Variants in SLC16A12 observed in about 807,000 individuals in gnomAD.
The protein encoded by SLC16A12 is solute carrier family 16 member 12.
Under a neutral mutation model 42.4 loss-of-function variants are expected in SLC16A12, and 17 were observed. The observed-to-expected ratio is 0.40, with a 90% CI of 0.27 to 0.60. The LOEUF (loss-of-function observed/expected upper bound fraction) is 0.60. SLC16A12 is among the 20% of genes least tolerant of loss of function. SLC16A12 has a pLI of 0.42. For missense variants in SLC16A12, 544 were observed against 623.0 expected (o/e 0.87, Z 1.35); for synonymous variants, 224 against 229.4 (o/e 0.98, Z 0.21).
At chr10:89,450,932 T>C (rs1255235121) in intron 3 of SLC16A12, among the ~76,000 whole-genome samples, 1 of 152,176 alleles carries the variant, frequency 6.6e-6, no homozygotes, top group Non-Finnish European at 1.5e-5. Context: ...TATGTGTGTA[T>C]GTGCAGAGAA....
rs1202953229 is a variant in SLC16A12, at chr10:89,430,956, A to G, written c.*2108T>C. ...TATTTAGGGCAAAGTGCTATTCCAA[A>G]CAGATATAACTTCATCTTAACTTTG... is the stretch of plus-strand genomic sequence containing the variant. On this transcript the variant is annotated 3_prime_UTR_variant, in exon 8 of 8. Transcript: ENST00000371790. The G allele has an allele frequency of 3.1e-6, 1 of 318,726 alleles. No individual in the cohort carries two copies. The highest frequency in any genetic ancestry group is 6.0e-6 in the Non-Finnish European group (1 of 166,306). 19.7% of individuals were successfully genotyped at this position (318,726 alleles called of 1,614,324 possible). A position where few individuals can be genotyped will look rare whatever the true frequency, so the allele number is the denominator to read the frequency against.
intron 3 of SLC16A12, among the ~76,000 whole-genome samples, chr10:89,446,083 G>T (rs1841995757): frequency 6.6e-6 from 1 of 152,114 alleles, no homozygotes; most frequent in African/African-American, 2.4e-5. Flanking sequence ...AATGAACAAA[G>T]CCTCCAAGAA....
At chr10:89,470,105 A>G (rs1356387630) in intron 2 of SLC16A12, among the ~76,000 whole-genome samples, 1 of 152,198 alleles carries the variant, frequency 6.6e-6, no homozygotes, top group Admixed American at 6.5e-5. Flanking sequence ...TAAGTCAAGA[A>G]GCCTATTGCT....
intron 2 of SLC16A12, among the ~76,000 whole-genome samples, chr10:89,465,364 G>A (rs1044898358): frequency 1.3e-5 from 2 of 152,196 alleles, no homozygotes; most frequent in Non-Finnish European, 2.9e-5. Flanking sequence ...CCAGTAGGAT[G>A]ATGTGAATTG....
intron 3 of SLC16A12, among the ~76,000 whole-genome samples, chr10:89,454,853 T>C (rs1745859430): frequency 6.6e-6 from 1 of 152,138 alleles, no homozygotes; most frequent in African/African-American, 2.4e-5. Flanking sequence ...TGTTACCCTG[T>C]GACAGAAAAG....
intron 6 of SLC16A12, among the ~76,000 whole-genome samples, chr10:89,436,868 AAAAGAAAGAAAGAAAGAAAGAAAG>A (rs370756736): frequency 1.7e-5 from 2 of 120,428 alleles, no homozygotes; most frequent in Admixed American, 8.3e-5. Flanking sequence ...GAAATAAAGA[AAAAGAAAGAAAGAAAGAAAGAAAG>A]AAAGAAAGAA....
At chr10:89,464,218 G>T (rs1367358431) in intron 2 of SLC16A12, among the ~76,000 whole-genome samples, 2 of 152,152 alleles carry the variant, frequency 1.3e-5, no homozygotes, top group Non-Finnish European at 1.5e-5. Context: ...AACATCCCAA[G>T]TGAGCCTGGA....
chr10:89,461,190 T>C (rs1199628528), intron 3 of SLC16A12, among the ~76,000 whole-genome samples: 2 of 152,206 alleles, frequency 1.3e-5, no homozygotes, highest in Admixed American at 6.5e-5. Flanking sequence ...TTAATGTACG[T>C]GCATCTAACT....
intron 3 of SLC16A12, among the ~76,000 whole-genome samples, chr10:89,447,312 C>T (rs1842020799): frequency 6.6e-6 from 1 of 152,212 alleles, no homozygotes; most frequent in Non-Finnish European, 1.5e-5. Flanking sequence ...ACATTCTTCT[C>T]AGTACCACAT....
At chr10:89,519,616 G>T (rs1843316353) in intron 2 of SLC16A12, among the ~76,000 whole-genome samples, 1 of 152,042 alleles carries the variant, frequency 6.6e-6, no homozygotes, top group Non-Finnish European at 1.5e-5. Context: ...AGATGCACAA[G>T]TTTAGCTTCC....
intron 2 of SLC16A12, among the ~76,000 whole-genome samples, chr10:89,494,352 CTG>C (rs1842892638): frequency 6.6e-6 from 1 of 152,216 alleles, no homozygotes; most frequent in South Asian, 2.1e-4. Flanking sequence ...ATTTAGGAAT[CTG>C]TCTTATAGTT....
intron 2 of SLC16A12, among the ~76,000 whole-genome samples, chr10:89,546,859 AG>A (rs1843745061): frequency 6.6e-6 from 1 of 152,268 alleles, no homozygotes; most frequent in Admixed American, 6.5e-5. Flanking sequence ...AGCCATAAAA[AG>A]GAATGAGATA....
intron 2 of SLC16A12, among the ~76,000 whole-genome samples, chr10:89,480,384 C>T (rs767718025): frequency 3.3e-5 from 5 of 152,128 alleles, no homozygotes; most frequent in African/African-American, 7.2e-5. Context: ...TTAAAGGGGG[C>T]TTTAATGAGG....
intron 2 of SLC16A12, among the ~76,000 whole-genome samples, chr10:89,527,845 A>G (rs539562275): frequency 6.6e-6 from 1 of 151,610 alleles, no homozygotes; most frequent in African/African-American, 2.4e-5. Flanking sequence ...AGAAAAAAAG[A>G]GGTGAATTCT....
At chr10:89,477,564 CAA>C (rs34204051) in intron 2 of SLC16A12, among the ~76,000 whole-genome samples, 53 of 49,256 alleles carry the variant, frequency 1.1e-3, no homozygotes, top group African/African-American at 3.1e-3. Context: ...AACTCTGTCT[CAA>C]AAAAAAAAAA....
intron 3 of SLC16A12, among the ~76,000 whole-genome samples, chr10:89,446,804 C>T (rs1842009918): frequency 6.6e-6 from 1 of 152,124 alleles, no homozygotes; most frequent in Non-Finnish European, 1.5e-5. Flanking sequence ...TTAAAAGACA[C>T]AGACTAGCCA....
chr10:89,459,499 T>C (rs183002218), intron 3 of SLC16A12, among the ~76,000 whole-genome samples: 1 of 147,968 alleles, frequency 6.8e-6, no homozygotes, highest in East Asian at 1.9e-4. Context: ...GGAAAGGGCA[T>C]AGCGGTTTCT....
chr10:89,436,892 G>GAAAGAA (rs1241657809), intron 6 of SLC16A12, among the ~76,000 whole-genome samples: 2 of 147,984 alleles, frequency 1.4e-5, no homozygotes, highest in Non-Finnish European at 3.0e-5. Flanking sequence ...AAGAAAGAAA[G>GAAAGAA]AAAGAAAGAA....
At chr10:89,509,946 AACAG>A (rs1386877668) in intron 2 of SLC16A12, among the ~76,000 whole-genome samples, 8 of 152,120 alleles carry the variant, frequency 5.3e-5, no homozygotes, top group Non-Finnish European at 8.8e-5. Context: ...ATACACCGAT[AACAG>A]ACAGAGAGCC....
Sources: allele counts gnomAD v4.1 joint callset (sites outside exome capture counted in the v4.1 genomes callset), GRCh38; gene constraint gnomAD v4.1.1; transcripts MANE v1.5; gene names NCBI Gene and HGNC (gene_info 2026-07-23, HGNC 2026-07-21).